The following LRBA variants were observed in gnomAD, a reference collection of about 807,000 sequenced individuals.
LRBA encodes lipopolysaccharide-responsive and beige-like anchor protein.
A neutral mutation model predicts 330.0 loss-of-function variants in LRBA; 176 were observed. The observed-to-expected ratio is 0.53, with a 90% CI of 0.47 to 0.60. The LOEUF is 0.60. LRBA is among the 20% of genes least tolerant of loss of function. The pLI, the probability that LRBA is intolerant of heterozygous loss-of-function variation, is 0.00. For synonymous variants in LRBA, 1,230 were observed against 1,193.0 expected, an observed-to-expected ratio of 1.03 and a Z score of -0.64; for missense variants, 3,259 against 3,444.8, an observed-to-expected ratio of 0.95 and a Z score of 1.35.
At chr4:150,578,961 C>T (rs1229846055) in intron 40 of LRBA, 4 of 279,782 alleles carry the variant, frequency 1.4e-5, no homozygotes, top group Non-Finnish European at 2.1e-5. Flanking sequence ...AAATGTCCTG[C>T]AGCCTCCCTA....
rs1283386980 is a variant in LRBA at position 150,775,500 on chromosome 4, C to CACACAA, written c.5581-13654_5581-13653insTTGTGT. Among the ~76,000 whole-genome samples, 18 of 8,844 alleles carry CACACAA rather than the reference C, an allele frequency of 2.0e-3. 1 individual carries two copies. Among genetic ancestry groups the CACACAA allele is most frequent in the African/African-American group, 2.5e-3 (18 of 7,110 alleles). The allele number at this position is 8,844 out of a possible 152,430, so 5.8% of individuals were successfully genotyped here. On this transcript the variant is annotated intron_variant, in intron 34 of 56. Transcript: ENST00000651943. ...ACACACACACACACACACACACACA[C>CACACAA]ACAGTGATTGCAGCATAAGAGAGGA...
chr4:150,340,547 C>G (rs1735383693), intron 48 of LRBA, among the ~76,000 whole-genome samples: 1 of 152,146 alleles, frequency 6.6e-6, no homozygotes, highest in South Asian at 2.1e-4. Context: ...TTTGCCCAGG[C>G]TGGTCTCAAA....
chr4:150,470,638 C>T (rs928433824), intron 43 of LRBA, among the ~76,000 whole-genome samples: 5 of 152,088 alleles, frequency 3.3e-5, no homozygotes, highest in Non-Finnish European at 7.4e-5. Context: ...ATCAAATTTT[C>T]TGACTTCTTT....
At chr4:150,565,061 A>G (rs1768949613) in intron 40 of LRBA, among the ~76,000 whole-genome samples, 1 of 152,212 alleles carries the variant, frequency 6.6e-6, no homozygotes, top group African/African-American at 2.4e-5. Flanking sequence ...ATGCACATGT[A>G]TGTTTATTGT....
At chr4:150,294,090 G>A (rs1428035490) in intron 53 of LRBA, among the ~76,000 whole-genome samples, 6 of 152,166 alleles carry the variant, frequency 3.9e-5, no homozygotes, top group Admixed American at 1.3e-4. Flanking sequence ...TGTTTCTGAC[G>A]GTGTGGGGGG....
At chr4:150,479,642 T>G (rs1757077144) in intron 42 of LRBA, among the ~76,000 whole-genome samples, 2 of 152,184 alleles carry the variant, frequency 1.3e-5, no homozygotes, top group African/African-American at 4.8e-5. Flanking sequence ...TCCCCTGGAC[T>G]TTGGGCTGTA....
Position 150,487,724 on chromosome 4 carries a change from A to G in LRBA, c.6551+8T>C. 1 of 1,567,300 alleles carries G rather than the reference A, an allele frequency of 6.4e-7. No homozygotes were observed. On this transcript the variant is annotated splice_region_variant and intron_variant, in intron 42 of 56. Transcript: ENST00000651943. ...TACTTTCCCTAAGTTTCTCATATAA[A>G]ACAGTACCTGGTTTGAGGCAATCCA...
chr4:150,426,892 T>C (rs1052786160), intron 46 of LRBA, among the ~76,000 whole-genome samples: 2 of 151,950 alleles, frequency 1.3e-5, no homozygotes, highest in Non-Finnish European at 2.9e-5. Flanking sequence ...AATTTATGGT[T>C]CTTTCTTGCT....
At chr4:151,003,686 G>A (rs1743673367) in intron 2 of LRBA, among the ~76,000 whole-genome samples, 1 of 152,030 alleles carries the variant, frequency 6.6e-6, no homozygotes, top group Non-Finnish European at 1.5e-5. Context: ...CAGCTACTCA[G>A]GAGGCTGAGG....
At chr4:150,831,639 T>C (rs1353191729) in intron 29 of LRBA, among the ~76,000 whole-genome samples, 178 bp downstream of exon 29, 1 of 152,186 alleles carries the variant, frequency 6.6e-6, no homozygotes, top group East Asian at 1.9e-4. Flanking sequence ...AATATCCCAA[T>C]TGCAATTAAT....
intron 43 of LRBA, among the ~76,000 whole-genome samples, chr4:150,470,988 A>C (rs1185447169): frequency 6.6e-6 from 1 of 152,114 alleles, no homozygotes; most frequent in African/African-American, 2.4e-5. Flanking sequence ...AATATCACTT[A>C]GGTGCTCAAA....
At chr4:150,443,322 A>G (rs1182597099) in intron 44 of LRBA, among the ~76,000 whole-genome samples, 1 of 152,174 alleles carries the variant, frequency 6.6e-6, no homozygotes, top group Non-Finnish European at 1.5e-5. Flanking sequence ...TAGAAATACC[A>G]TTTGACCCAG....
At chr4:150,503,923 G>C (rs987380035) in intron 40 of LRBA, among the ~76,000 whole-genome samples, 3 of 152,184 alleles carry the variant, frequency 2.0e-5, no homozygotes, top group Non-Finnish European at 2.9e-5. Flanking sequence ...GAAAACCAAG[G>C]CACGAGAACT....
At chr4:150,527,885 T>A (rs185414745) in intron 40 of LRBA, among the ~76,000 whole-genome samples, 3 of 152,222 alleles carry the variant, frequency 2.0e-5, no homozygotes, top group Non-Finnish European at 4.4e-5. Context: ...CAAAGACAAC[T>A]GACATAAGTA....
At position 150,302,801 on chromosome 4, in the gene LRBA, CA is replaced by C; in HGVS notation, c.7850-10del. 3.2e-6 allele frequency: 5 copies of C among 1,551,644 alleles called. No individual in the cohort carries two copies. Among genetic ancestry groups the C allele is most frequent in the Non-Finnish European group, 4.4e-6 (5 of 1,149,248 alleles). On this transcript the variant is annotated splice_polypyrimidine_tract_variant and intron_variant, in intron 52 of 56. Transcript: ENST00000651943. The stretch of plus-strand genomic sequence containing the variant: ...CACTTGGATCAATCTTCCTGTAATG[CA>C]AAACAATTTTCTTTAAAAATGCTAT...
chr4:150,840,916 A>T (rs1306401850), intron 28 of LRBA: 9 of 1,094,648 alleles, frequency 8.2e-6, no homozygotes, highest in Non-Finnish European at 1.0e-5. Flanking sequence ...AAAATTTTGG[A>T]TATAATCAGT....
At chr4:150,565,176 C>CA (rs1561360878) in intron 40 of LRBA, among the ~76,000 whole-genome samples, 1 of 151,976 alleles carries the variant, frequency 6.6e-6, no homozygotes, top group African/African-American at 2.4e-5. Context: ...TATGCAGCCA[C>CA]AAAAAAGAAT....
intron 28 of LRBA, among the ~76,000 whole-genome samples, chr4:150,842,114 T>A (rs1309362263): frequency 6.6e-6 from 1 of 152,220 alleles, no homozygotes; most frequent in African/African-American, 2.4e-5. Flanking sequence ...CTTTCAGTAA[T>A]CATATAGTAA....
At chr4:150,815,353 GAAA>G (rs751501832) in intron 31 of LRBA, among the ~76,000 whole-genome samples, 1 of 127,152 alleles carries the variant, frequency 7.9e-6, no homozygotes. Context: ...TTCTCCAAAG[GAAA>G]AAAAAAAAAG....
Sources: gnomAD v4.1 joint callset for allele counts (sites outside exome capture counted in the v4.1 genomes callset) on GRCh38, gnomAD v4.1.1 for gene constraint, MANE v1.5 for transcripts, NCBI Gene and HGNC (gene_info 2026-07-23, HGNC 2026-07-21) for gene names.